Variants in SLC39A11 observed in about 807,000 individuals in gnomAD.
SLC39A11 encodes zinc transporter ZIP11.
A neutral mutation model predicts 36.1 loss-of-function variants in SLC39A11; 33 were observed. The ratio of observed to expected loss-of-function variants is 0.91; its 90% CI spans 0.69 to 1.22. The LOEUF (loss-of-function observed/expected upper bound fraction) is 1.22. Ranked by LOEUF, SLC39A11 falls within the 50% of genes most tolerant of loss-of-function variation. The pLI is 0.00. For synonymous variants in SLC39A11, 166 were observed against 170.3 expected, an observed-to-expected ratio of 0.97 and a Z score of 0.20; for missense variants, 432 against 430.3, an observed-to-expected ratio of 1.00 and a Z score of -0.03.
intron 3 of SLC39A11, among the ~76,000 whole-genome samples, chr17:73,035,358 C>T (rs1321592658): frequency 2.0e-5 from 3 of 152,050 alleles, no homozygotes; most frequent in Non-Finnish European, 2.9e-5. Context: ...CTAGGCTGGC[C>T]TCGAACTCCT....
chr17:72,929,038 G>A (rs767560704), intron 5 of SLC39A11, among the ~76,000 whole-genome samples: 3 of 152,056 alleles, frequency 2.0e-5, no homozygotes, highest in Admixed American at 6.5e-5. Flanking sequence ...GGGGCAGAGC[G>A]AACCCACAGA....
intron 7 of SLC39A11, among the ~76,000 whole-genome samples, chr17:72,674,397 T>C (rs1011100307): frequency 6.6e-6 from 1 of 152,256 alleles, no homozygotes; most frequent in Admixed American, 6.5e-5. Flanking sequence ...GATGGCTATA[T>C]ACTAATCCAT....
chr17:73,018,769 G>C (rs1198339279), intron 4 of SLC39A11, among the ~76,000 whole-genome samples: 3 of 151,326 alleles, frequency 2.0e-5, no homozygotes, highest in Non-Finnish European at 4.4e-5. Context: ...CAACAACACA[G>C]GAATTACCCT....
chr17:72,824,729 G>A (rs1207288552), intron 6 of SLC39A11, among the ~76,000 whole-genome samples: 1 of 151,314 alleles, frequency 6.6e-6, no homozygotes, highest in East Asian at 1.9e-4. Flanking sequence ...CTATGCCTGA[G>A]CAAAGAGACT....
chr17:72,678,003 C>T (rs986370352), intron 7 of SLC39A11, among the ~76,000 whole-genome samples: 4 of 152,188 alleles, frequency 2.6e-5, no homozygotes, highest in African/African-American at 9.6e-5. Flanking sequence ...GCGCCCTTTC[C>T]CTTGAGGATC....
intron 7 of SLC39A11, among the ~76,000 whole-genome samples, chr17:72,665,398 T>TTTTTTTTTTTTTTTTTTTTTTTTTTG (rs2070701247): frequency 7.7e-6 from 1 of 130,174 alleles, no homozygotes; most frequent in Non-Finnish European, 1.6e-5. Flanking sequence ...TGTTTTTTTT[T>TTTTTTTTTTTTTTTTTTTTTTTTTTG]TTTTTTTTTT....
intron 4 of SLC39A11, among the ~76,000 whole-genome samples, chr17:73,022,595 T>TAAAAAAAA (rs10675859): frequency 1.8e-4 from 10 of 56,772 alleles, no homozygotes; most frequent in Non-Finnish European, 2.3e-4. Context: ...AACTCCATCT[T>TAAAAAAAA]AAAAAAAAAA....
chr17:72,846,004 CT>C (rs1236750279), intron 6 of SLC39A11, among the ~76,000 whole-genome samples: 1 of 128,632 alleles, frequency 7.8e-6, no homozygotes, highest in Non-Finnish European at 1.6e-5. Flanking sequence ...CAATGAATCT[CT>C]CTCTCTCTCT....
intron 3 of SLC39A11, among the ~76,000 whole-genome samples, chr17:73,076,129 AC>A (rs2144626339): frequency 6.6e-6 from 1 of 151,858 alleles, no homozygotes; most frequent in African/African-American, 2.4e-5. Flanking sequence ...TTTAATGGTA[AC>A]CACTCTCCTA....
intron 3 of SLC39A11, among the ~76,000 whole-genome samples, chr17:73,078,639 A>T (rs1053789428): frequency 1.3e-5 from 2 of 151,864 alleles, no homozygotes; most frequent in African/African-American, 4.8e-5. Context: ...GGTGCCCGCC[A>T]CCATGCCTGG....
chr17:72,913,691 A>G (rs894574939), intron 5 of SLC39A11, among the ~76,000 whole-genome samples: 6 of 152,106 alleles, frequency 3.9e-5, no homozygotes, highest in Non-Finnish European at 5.9e-5. Context: ...CGGACCATGA[A>G]CTTGACATGA....
intron 7 of SLC39A11, among the ~76,000 whole-genome samples, chr17:72,694,675 C>A (rs915933924): frequency 6.6e-6 from 1 of 152,156 alleles, no homozygotes; most frequent in African/African-American, 2.4e-5. Flanking sequence ...GGTGGAGGAA[C>A]CTTGTGGGCA....
intron 4 of SLC39A11, among the ~76,000 whole-genome samples, chr17:72,968,330 C>A (rs1011802307): frequency 6.6e-6 from 1 of 152,230 alleles, no homozygotes; most frequent in African/African-American, 2.4e-5. Flanking sequence ...GAGACCAACT[C>A]ACAGCAAAGT....
At chr17:73,004,232 A>AAAGAAAGAAAGAAAGAAAGAAAAG in intron 4 of SLC39A11, among the ~76,000 whole-genome samples, 7 of 88,642 alleles carry the variant, frequency 7.9e-5, no homozygotes, top group African/African-American at 2.5e-4. Flanking sequence ...AGAAAGAAAG[A>AAAGAAAGAAAGAAAGAAAGAAAAG]AAAGAAAGAA....
At chr17:73,006,599 C>A (rs2090190564) in intron 4 of SLC39A11, among the ~76,000 whole-genome samples, 1 of 151,996 alleles carries the variant, frequency 6.6e-6, no homozygotes, top group Non-Finnish European at 1.5e-5. Context: ...CCTGATTCTT[C>A]AGACAATAAG....
At chr17:72,673,519 GAA>G (rs145772980) in intron 7 of SLC39A11, among the ~76,000 whole-genome samples, 8,194 of 152,002 alleles carry the variant, frequency 0.054, 229 homozygotes, top group African/African-American at 0.067. Flanking sequence ...ATTCCTGTGA[GAA>G]AAAGATTTAC....
chr17:73,022,610 A>AAG (rs1263412039), intron 4 of SLC39A11, among the ~76,000 whole-genome samples: 1 of 150,536 alleles, frequency 6.6e-6, no homozygotes, highest in East Asian at 1.9e-4. Context: ...AAAAAAAAAA[A>AAG]AAAAAAAAAA....
chr17:72,923,078 C>G (rs2083791290), intron 5 of SLC39A11, among the ~76,000 whole-genome samples: 1 of 151,094 alleles, frequency 6.6e-6, no homozygotes, highest in East Asian at 1.9e-4. Context: ...TCTTATCAGT[C>G]AGCTCTTTCT....
intron 3 of SLC39A11, among the ~76,000 whole-genome samples, chr17:73,081,723 ATATATGTATG>A (rs1192556440): frequency 7.3e-6 from 1 of 136,310 alleles, no homozygotes; most frequent in Non-Finnish European, 1.6e-5. Context: ...ACATATATGT[ATATATGTATG>A]TATATATATA....
Sources: gnomAD v4.1 joint callset for allele counts (sites outside exome capture counted in the v4.1 genomes callset) on GRCh38, gnomAD v4.1.1 for gene constraint, MANE v1.5 for transcripts, NCBI Gene and HGNC (gene_info 2026-07-23, HGNC 2026-07-21) for gene names.